Variants in LDB2 observed in about 807,000 individuals in gnomAD.
LDB2 encodes LIM domain-binding protein 2.
In LDB2, 12 loss-of-function variants were observed where a neutral mutation model predicts 44.3. The ratio of observed to expected loss-of-function variants is 0.27; its 90% CI spans 0.17 to 0.44. The LOEUF (loss-of-function observed/expected upper bound fraction) is 0.44, where lower values mean the gene tolerates loss of function less well. LDB2 is among the 20% of genes least tolerant of loss of function. LDB2 has a pLI of 1.00. For synonymous variants in LDB2, 164 were observed against 174.8 expected (o/e 0.94, Z 0.49); for missense variants, 344 against 473.5 (o/e 0.73, Z 2.54).
intron 2 of LDB2, among the ~76,000 whole-genome samples, chr4:16,746,364 G>A (rs1003024036): frequency 4.6e-5 from 7 of 152,112 alleles, no homozygotes; most frequent in Non-Finnish European, 8.8e-5. Context: ...AAGTACTTAC[G>A]TGGGACTAAA....
intron 4 of LDB2, 91 bp downstream of exon 4, chr4:16,588,619 T>C: frequency 1.5e-6 from 2 of 1,354,758 alleles, no homozygotes; most frequent in Non-Finnish European, 2.1e-6. Flanking sequence ...ACTGGAATTC[T>C]TTCACAGAGA....
chr4:16,766,465 TA>T (rs1769254259), intron 1 of LDB2, among the ~76,000 whole-genome samples: 4 of 16,194 alleles, frequency 2.5e-4, no homozygotes, highest in Non-Finnish European at 8.3e-4. Flanking sequence ...TACACACACA[TA>T]TATGTGTGTG....
intron 2 of LDB2, among the ~76,000 whole-genome samples, chr4:16,630,013 T>C (rs1409206609): frequency 6.6e-6 from 1 of 152,196 alleles, no homozygotes; most frequent in Non-Finnish European, 1.5e-5. Context: ...GAAAACACTC[T>C]GCAGGATATT....
At chr4:16,523,995 C>A (rs1301836987) in intron 5 of LDB2, among the ~76,000 whole-genome samples, 1 of 152,136 alleles carries the variant, frequency 6.6e-6, no homozygotes, top group Non-Finnish European at 1.5e-5. Context: ...GAGGGCTGGG[C>A]TGTATCCTGT....
chr4:16,660,896 G>A, intron 2 of LDB2, among the ~76,000 whole-genome samples: 1 of 152,074 alleles, frequency 6.6e-6, no homozygotes, highest in East Asian at 1.9e-4. Flanking sequence ...TTCAGCCTCA[G>A]GCCCACCCAC....
chr4:16,848,724 A>C (rs968817268), intron 1 of LDB2, among the ~76,000 whole-genome samples: 12 of 152,208 alleles, frequency 7.9e-5, no homozygotes, highest in African/African-American at 2.7e-4. Flanking sequence ...ATACTTGCTG[A>C]AGACAAATAT....
chr4:16,864,971 C>T (rs554672743), intron 1 of LDB2, among the ~76,000 whole-genome samples: 118 of 152,046 alleles, frequency 7.8e-4, no homozygotes, highest in African/African-American at 2.5e-3. Context: ...CGGCCAGGCG[C>T]GGTGTGGCTC....
intron 5 of LDB2, among the ~76,000 whole-genome samples, chr4:16,516,540 G>A (rs988699033): frequency 6.6e-6 from 1 of 152,098 alleles, no homozygotes; most frequent in Non-Finnish European, 1.5e-5. Flanking sequence ...CCTGTCTTAG[G>A]AAATCACATT....
chr4:16,764,292 T>C (rs1294094958), intron 1 of LDB2, among the ~76,000 whole-genome samples: 1 of 152,190 alleles, frequency 6.6e-6, no homozygotes, highest in Non-Finnish European at 1.5e-5. Flanking sequence ...ATAAATCTTT[T>C]GGAACACTTC....
intron 1 of LDB2, among the ~76,000 whole-genome samples, chr4:16,842,604 A>G (rs1786092171): frequency 6.6e-6 from 1 of 152,224 alleles, no homozygotes; most frequent in East Asian, 1.9e-4. Flanking sequence ...AAAATTTACA[A>G]AACACTTTCA....
chr4:16,833,314 T>C (rs1010107800), intron 1 of LDB2, among the ~76,000 whole-genome samples: 59 of 152,208 alleles, frequency 3.9e-4, no homozygotes, highest in African/African-American at 1.4e-3. Context: ...ATGAGACCTT[T>C]CTTATAACTT....
intron 5 of LDB2, among the ~76,000 whole-genome samples, chr4:16,557,728 G>A (rs1487444755): frequency 1.2e-4 from 18 of 152,314 alleles, no homozygotes; most frequent in South Asian, 2.1e-4. Flanking sequence ...CTCCCAGCAC[G>A]CAGCTGGAGA....
chr4:16,508,802 C>T lies in LDB2; in HGVS notation c.740-116G>A, dbSNP rs1720586014. ...TAAACTGAAGAGTAGACTATTTAAA[C>T]ATTTTCCATTTCTTATAGCTTTAGA... On this transcript the variant is annotated intron_variant, in intron 6 of 7. Coordinates refer to ENST00000304523, the MANE Select transcript of LDB2 (RefSeq NM_001290.5). 3.0e-6 allele frequency: 3 copies of T among 984,054 alleles called. No homozygotes were observed. In the East Asian group the frequency reaches 7.9e-5, roughly 26 times the overall value. The allele number at this position is 984,054 out of a possible 1,614,324, so 61.0% of individuals were successfully genotyped here.
chr4:16,560,606 A>G (rs1339979997), intron 5 of LDB2, among the ~76,000 whole-genome samples: 1 of 152,242 alleles, frequency 6.6e-6, no homozygotes, highest in Non-Finnish European at 1.5e-5. Context: ...GTCCAGGACC[A>G]GATGGATTCA....
chr4:16,672,994 CCTTT>C (rs1745304940), intron 2 of LDB2, among the ~76,000 whole-genome samples: 1 of 151,564 alleles, frequency 6.6e-6, no homozygotes, highest in East Asian at 1.9e-4. Context: ...TCTTTCCCTT[CCTTT>C]CTTTCTTCTT....
intron 2 of LDB2, among the ~76,000 whole-genome samples, chr4:16,614,573 G>GAAAAAAAAAAAAAAAAAAAAAA (rs1282791131): frequency 3.7e-5 from 1 of 26,768 alleles, no homozygotes; most frequent in Non-Finnish European, 8.3e-5. Flanking sequence ...ACATTTACAA[G>GAAAAAAAAAAAAAAAAAAAAAA]AAAAAACAAA....
intron 2 of LDB2, among the ~76,000 whole-genome samples, chr4:16,755,041 G>A (rs951944107): frequency 5.3e-5 from 8 of 152,120 alleles, no homozygotes; most frequent in South Asian, 2.1e-4. Context: ...AGTATTTTCC[G>A]AATGAGATGT....
intron 1 of LDB2, among the ~76,000 whole-genome samples, chr4:16,815,259 A>T (rs1166236850): frequency 6.6e-6 from 1 of 152,220 alleles, no homozygotes; most frequent in Non-Finnish European, 1.5e-5. Flanking sequence ...AATTTTAACC[A>T]GGCCAAATAC....
intron 5 of LDB2, among the ~76,000 whole-genome samples, chr4:16,543,865 C>T (rs1182460610): frequency 6.6e-6 from 1 of 152,172 alleles, no homozygotes; most frequent in Non-Finnish European, 1.5e-5. Flanking sequence ...ATCTACCCAC[C>T]TGACAAAGGG....
Sources: allele counts gnomAD v4.1 joint callset (sites outside exome capture counted in the v4.1 genomes callset), GRCh38; gene constraint gnomAD v4.1.1; transcripts MANE v1.5; gene names NCBI Gene and HGNC (gene_info 2026-07-23, HGNC 2026-07-21).